TBC1D5: variants seen among roughly 807,000 people sequenced by gnomAD.
TBC1D5 encodes TBC1 domain family member 5.
In TBC1D5, 75 loss-of-function variants were observed where a neutral mutation model predicts 100.3. The ratio of observed to expected loss-of-function variants is 0.75; its 90% CI spans 0.62 to 0.91. The LOEUF (loss-of-function observed/expected upper bound fraction) is 0.91, where lower values mean the gene tolerates loss of function less well. Ranked by LOEUF, TBC1D5 falls within the 40% of genes least tolerant of loss-of-function variation. The pLI is 0.00. For missense variants in TBC1D5, 910 were observed against 942.4 expected (o/e 0.97, Z 0.45); for synonymous variants, 323 against 325.6 (o/e 0.99, Z 0.09).
intron 1 of TBC1D5, chr3:17,705,933 G>C (rs145120572): frequency 2.6e-6 from 3 of 1,142,476 alleles, no homozygotes; most frequent in South Asian, 1.6e-5. Context: ...GGGCCCGTCC[G>C]CTCCTCCAGC....
intron 1 of TBC1D5, among the ~76,000 whole-genome samples, chr3:17,702,766 T>C (rs554222462): frequency 6.6e-6 from 1 of 152,230 alleles, no homozygotes; most frequent in South Asian, 2.1e-4. Flanking sequence ...ATAAGACTCA[T>C]ATGGTACTAC....
At position 17,455,512 on chromosome 3, in the gene TBC1D5, GTA is replaced by G. The variant is rs371306249; in HGVS notation, c.98-26995_98-26994del. 3.8e-3 allele frequency among the ~76,000 whole-genome samples: 484 copies of G among 128,754 alleles called. 3 individuals are homozygous for G. The highest frequency in any genetic ancestry group is 5.3e-3 in the South Asian group (22 of 4,142). 84.5% of individuals were successfully genotyped at this position (128,754 alleles called of 152,430 possible). A position where few individuals can be genotyped will look rare whatever the true frequency, so the allele number is the denominator to read the frequency against. ...TATGTGTATATATATATGTGTGTGT[GTA>G]TATATATATATATATATGTGTGTGT... On this transcript the variant is annotated intron_variant, in intron 3 of 21. Coordinates refer to ENST00000253692, the Ensembl canonical transcript of TBC1D5.
chr3:17,593,909 G>A (rs1375406715), intron 2 of TBC1D5, among the ~76,000 whole-genome samples: 2 of 152,162 alleles, frequency 1.3e-5, no homozygotes, highest in Non-Finnish European at 2.9e-5. Context: ...ATATGGTACT[G>A]TTTCTCCCAT....
At chr3:17,169,719 A>G (rs2125183411) in intron 19 of TBC1D5, among the ~76,000 whole-genome samples, 1 of 152,372 alleles carries the variant, frequency 6.6e-6, no homozygotes, top group South Asian at 2.1e-4. Flanking sequence ...AATTCATTCA[A>G]CAAGACATTA....
intron 2 of TBC1D5, among the ~76,000 whole-genome samples, chr3:17,600,673 A>G (rs957900951): frequency 7.9e-5 from 12 of 152,174 alleles, no homozygotes; most frequent in African/African-American, 2.9e-4. Context: ...TGGTTTTCTA[A>G]CCAAAAGGGG....
chr3:17,683,994 C>G (rs1236761421), intron 1 of TBC1D5, among the ~76,000 whole-genome samples: 1 of 152,092 alleles, frequency 6.6e-6, no homozygotes, highest in African/African-American at 2.4e-5. Flanking sequence ...GGAAAGATCA[C>G]TTAGATGACA....
intron 15 of TBC1D5, among the ~76,000 whole-genome samples, chr3:17,289,980 C>A (rs972292753): frequency 6.6e-4 from 101 of 152,212 alleles, no homozygotes; most frequent in Non-Finnish European, 2.9e-5. Flanking sequence ...CATCTGAAAG[C>A]CCCTTTTCAA....
chr3:17,321,380 C>T (rs1170783426), intron 13 of TBC1D5, among the ~76,000 whole-genome samples: 1 of 152,154 alleles, frequency 6.6e-6, no homozygotes, highest in Non-Finnish European at 1.5e-5. Flanking sequence ...AAATGAACTA[C>T]GTAAAATTTT....
At chr3:17,493,800 C>T (rs998028122) in intron 3 of TBC1D5, among the ~76,000 whole-genome samples, 27 of 152,186 alleles carry the variant, frequency 1.8e-4, no homozygotes, top group African/African-American at 5.8e-4. Flanking sequence ...CCTCTCTAAA[C>T]TGGCTATTTT....
chr3:17,572,092 C>T (rs973789202), intron 2 of TBC1D5, among the ~76,000 whole-genome samples: 6 of 152,012 alleles, frequency 3.9e-5, no homozygotes, highest in Non-Finnish European at 7.4e-5. Flanking sequence ...CCTCTCCAAT[C>T]TGTCTTCCTT....
intron 3 of TBC1D5, among the ~76,000 whole-genome samples, chr3:17,487,840 CA>C (rs764781675): frequency 2.6e-5 from 4 of 152,026 alleles, no homozygotes; most frequent in Non-Finnish European, 5.9e-5. Context: ...TTTTTAAAAG[CA>C]ATTTTGAGCT....
At chr3:17,556,253 G>C (rs900255867) in intron 2 of TBC1D5, among the ~76,000 whole-genome samples, 1 of 152,052 alleles carries the variant, frequency 6.6e-6, no homozygotes, top group Non-Finnish European at 1.5e-5. Context: ...CTTGACCTCA[G>C]GTGATCCACC....
intron 3 of TBC1D5, among the ~76,000 whole-genome samples, chr3:17,445,263 T>C (rs191324233): frequency 1.2e-3 from 178 of 152,294 alleles, no homozygotes; most frequent in African/African-American, 3.5e-3. Context: ...AGGCCAATAA[T>C]GGCCTCTTTT....
chr3:17,626,435 A>G (rs903082139), intron 1 of TBC1D5, among the ~76,000 whole-genome samples: 8 of 152,224 alleles, frequency 5.3e-5, no homozygotes, highest in African/African-American at 1.9e-4. Flanking sequence ...TACATGGCTA[A>G]GAGAGATCCA....
At chr3:17,623,110 T>A (rs776737501) in intron 2 of TBC1D5, among the ~76,000 whole-genome samples, 2 of 152,080 alleles carry the variant, frequency 1.3e-5, no homozygotes, top group African/African-American at 2.4e-5. Flanking sequence ...AAAACACACA[T>A]ACACACAGAG....
chr3:17,175,228 G>A (rs1158415342), intron 19 of TBC1D5, among the ~76,000 whole-genome samples: 4 of 152,214 alleles, frequency 2.6e-5, no homozygotes, highest in African/African-American at 9.6e-5. Flanking sequence ...ACTCAGCACT[G>A]GGAGAGGAAC....
At chr3:17,544,325 A>G (rs1452789458) in intron 2 of TBC1D5, among the ~76,000 whole-genome samples, 1 of 152,214 alleles carries the variant, frequency 6.6e-6, no homozygotes, top group Admixed American at 6.5e-5. Context: ...TTGATTATCA[A>G]TAATATTTAG....
intron 18 of TBC1D5, among the ~76,000 whole-genome samples, chr3:17,206,557 T>C (rs2072210988): frequency 6.6e-6 from 1 of 152,202 alleles, no homozygotes; most frequent in Admixed American, 6.5e-5. Context: ...AAACAAATTA[T>C]ATTTGTATGA....
At chr3:17,711,469 CT>C (rs1040782220) in intron 1 of TBC1D5, among the ~76,000 whole-genome samples, 2 of 152,128 alleles carry the variant, frequency 1.3e-5, no homozygotes, top group Admixed American at 1.3e-4. Context: ...TTCTGCCCCC[CT>C]CATACATAGA....
Sources: gnomAD v4.1 joint callset for allele counts (sites outside exome capture counted in the v4.1 genomes callset) on GRCh38, gnomAD v4.1.1 for gene constraint, MANE v1.5 for transcripts, NCBI Gene and HGNC (gene_info 2026-07-23, HGNC 2026-07-21) for gene names.